The following CFAP54 variants were observed in gnomAD, a reference collection of about 807,000 sequenced individuals.
CFAP54 encodes cilia- and flagella-associated protein 54.
CFAP54 carries 290 observed loss-of-function variants against 370.4 expected under a neutral mutation model. The observed-to-expected ratio is 0.78, with a 90% CI of 0.71 to 0.86. The LOEUF (loss-of-function observed/expected upper bound fraction) is 0.86. Among genes scored for constraint, CFAP54 ranks in the 40% least tolerant of loss-of-function variants. The probability of loss-of-function intolerance (pLI) is 0.00; values close to 1 mark genes in which losing one functional copy is unlikely to be tolerated. For synonymous variants in CFAP54, 1,206 were observed against 1,236.5 expected, an observed-to-expected ratio of 0.98 and a Z score of 0.52; for missense variants, 3,399 against 3,528.7, an observed-to-expected ratio of 0.96 and a Z score of 0.93.
At chr12:96,732,318 G>A (rs1454427581) in intron 50 of CFAP54, among the ~76,000 whole-genome samples, 1 of 152,100 alleles carries the variant, frequency 6.6e-6, no homozygotes, top group African/African-American at 2.4e-5. Context: ...TTTTAGTAGA[G>A]TTGGGGTTTC....
At chr12:96,856,800 TACTC>T (rs1470098898) in intron 66 of CFAP54, among the ~76,000 whole-genome samples, 1 of 151,328 alleles carries the variant, frequency 6.6e-6, no homozygotes, top group Non-Finnish European at 1.5e-5. Context: ...CTCTGCCTGT[TACTC>T]ACTTCCAAAG....
At chr12:96,621,875 G>T (rs202150013) in intron 27 of CFAP54, among the ~76,000 whole-genome samples, 154 bp downstream of exon 27, 1,389 of 50,036 alleles carry the variant, frequency 0.028, 26 homozygotes, top group South Asian at 0.031. Flanking sequence ...TTTTGGGTTT[G>T]TTTTTTTTTT....
At chr12:96,830,052 T>C (rs1204377236) in intron 66 of CFAP54, among the ~76,000 whole-genome samples, 1 of 152,208 alleles carries the variant, frequency 6.6e-6, no homozygotes, top group Non-Finnish European at 1.5e-5. Context: ...TGTCCTAGTA[T>C]TTTATTCCTT....
intron 1 of CFAP54, among the ~76,000 whole-genome samples, chr12:96,498,392 C>T (rs1320782638): frequency 1.3e-5 from 2 of 152,244 alleles, no homozygotes; most frequent in Admixed American, 6.5e-5. Flanking sequence ...CCGTGGCTCA[C>T]GCCTGTAATC....
chr12:96,499,237 C>T (rs548559526), intron 1 of CFAP54, among the ~76,000 whole-genome samples: 18 of 152,176 alleles, frequency 1.2e-4, no homozygotes, highest in African/African-American at 4.1e-4. Flanking sequence ...CTTGGCCTCC[C>T]GAAGTGCTGG....
At chr12:96,731,151 GC>G (rs1489329284) in intron 50 of CFAP54, among the ~76,000 whole-genome samples, 2 of 152,168 alleles carry the variant, frequency 1.3e-5, no homozygotes, top group Non-Finnish European at 2.9e-5. Flanking sequence ...CAAAGCAGCA[GC>G]CCCAAACTGT....
At chr12:96,498,524 G>A (rs531112383) in intron 1 of CFAP54, among the ~76,000 whole-genome samples, 25 of 152,210 alleles carry the variant, frequency 1.6e-4, no homozygotes, top group African/African-American at 5.5e-4. Context: ...GTGGTGGTGC[G>A]TGCCTGTAGT....
intron 16 of CFAP54, 141 bp from the exon 17 acceptor site, chr12:96,554,535 C>T: frequency 9.3e-7 from 1 of 1,074,210 alleles, no homozygotes; most frequent in Non-Finnish European, 1.3e-6. Flanking sequence ...AGTGTTTAAG[C>T]AAACTGCAAA....
chr12:96,680,952 G>A (rs540793983), intron 40 of CFAP54, among the ~76,000 whole-genome samples: 40 of 152,088 alleles, frequency 2.6e-4, no homozygotes, highest in Non-Finnish European at 3.5e-4. Flanking sequence ...GTGTGGTGGC[G>A]TGCACCTGTA....
At chr12:96,514,108 G>A (rs766242831) in intron 5 of CFAP54, among the ~76,000 whole-genome samples, 8 of 152,270 alleles carry the variant, frequency 5.3e-5, no homozygotes, top group Non-Finnish European at 8.8e-5. Flanking sequence ...CAAGAAGGGC[G>A]AATATACTCC....
At chr12:96,528,429 C>T (rs1301270945) in intron 9 of CFAP54, among the ~76,000 whole-genome samples, 2 of 152,028 alleles carry the variant, frequency 1.3e-5, no homozygotes, top group African/African-American at 2.4e-5. Flanking sequence ...TTTTAGGTTT[C>T]GCTCACAAGG....
At chr12:96,726,397 G>A (rs1369638593) in intron 50 of CFAP54, among the ~76,000 whole-genome samples, 1 of 152,192 alleles carries the variant, frequency 6.6e-6, no homozygotes, top group Admixed American at 6.5e-5. Context: ...TCCTGGTTTA[G>A]TCTTGGGAGA....
intron 39 of CFAP54, among the ~76,000 whole-genome samples, chr12:96,664,798 T>G (rs1195477069): frequency 5.7e-4 from 24 of 41,750 alleles, no homozygotes; most frequent in African/African-American, 2.2e-3. Context: ...TATATATATA[T>G]ATATATATAT....
intron 39 of CFAP54, among the ~76,000 whole-genome samples, chr12:96,670,924 G>A (rs1240053886): frequency 1.3e-5 from 2 of 152,144 alleles, no homozygotes; most frequent in South Asian, 2.1e-4. Flanking sequence ...TCTTCTTTAT[G>A]TTGTTATGTA....
intron 33 of CFAP54, among the ~76,000 whole-genome samples, chr12:96,647,615 A>T (rs1204765403): frequency 6.6e-6 from 1 of 151,870 alleles, no homozygotes; most frequent in East Asian, 1.9e-4. Flanking sequence ...CAGAGCCGGC[A>T]CAGATATTTT....
rs1565984932 is a variant in CFAP54, at chr12:96,806,206, AT to A, written c.8851-5529del. Among the ~76,000 whole-genome samples the A allele has an allele frequency of 5.7e-3, 513 of 90,478 alleles. 20 individuals are homozygous for A. The highest frequency in any genetic ancestry group is 8.0e-3 in the African/African-American group (182 of 22,692). The allele number at this position is 90,478 out of a possible 152,430, so 59.4% of individuals were successfully genotyped here. On this transcript the variant is annotated intron_variant, in intron 63 of 67. Coordinates refer to ENST00000524981, the MANE Select transcript of CFAP54 (RefSeq NM_001306084.2). ...TATATATATATATATATATATATAT[AT>A]ATATATAATAACAACATAAAAAGAA...
rs1180539704 is a variant in CFAP54, at chr12:96,647,932, A to G, written c.4605A>G (p.Pro1535=). ...FSLYNSGTVL[P]TRKLTVENYK... is the part of the protein sequence containing the mutation. The stretch of plus-strand genomic sequence containing the variant: ...TGTATAATTCAGGAACAGTATTACC[A>G]ACAAGAAAATTGACTGTAGAAAATT... The change falls in exon 34 of 68, where the codon CCA becomes CCG. Residue 1535 remains proline, a synonymous_variant. Coordinates refer to ENST00000524981, the MANE Select transcript of CFAP54 (RefSeq NM_001306084.2). The G allele has an allele frequency of 6.6e-7, 1 of 1,517,846 alleles. No individual in the cohort carries two copies. The highest frequency in any genetic ancestry group is 2.5e-5 in the East Asian group (1 of 39,708). The allele number at this position is 1,517,846 out of a possible 1,614,324, so 94.0% of individuals were successfully genotyped here.
chr12:96,849,961 T>C (rs530429224), intron 66 of CFAP54, among the ~76,000 whole-genome samples: 17 of 152,258 alleles, frequency 1.1e-4, no homozygotes, highest in African/African-American at 4.1e-4. Context: ...CTTGGTACCC[T>C]TTCCCGGGCA....
chr12:96,767,621 GTTGA>G (rs1958413897), intron 60 of CFAP54, among the ~76,000 whole-genome samples: 1 of 152,044 alleles, frequency 6.6e-6, no homozygotes, highest in Non-Finnish European at 1.5e-5. Context: ...ATTAATTCAT[GTTGA>G]TGACTTCCCT....
Sources: allele counts gnomAD v4.1 joint callset (sites outside exome capture counted in the v4.1 genomes callset), GRCh38; gene constraint gnomAD v4.1.1; transcripts MANE v1.5; gene names NCBI Gene and HGNC (gene_info 2026-07-23, HGNC 2026-07-21).